Variants in ANXA3 observed in about 807,000 individuals in gnomAD.
ANXA3 encodes annexin A3, also known as 35-alpha calcimedin.
A neutral mutation model predicts 48.8 loss-of-function variants in ANXA3; 46 were observed. The ratio of observed to expected loss-of-function variants is 0.94; its 90% CI spans 0.74 to 1.21. The LOEUF (loss-of-function observed/expected upper bound fraction) is 1.21, where lower values mean the gene tolerates loss of function less well. ANXA3 is among the 50% of genes most tolerant of loss of function. ANXA3 has a pLI of 0.00. For missense variants in ANXA3, 383 were observed against 378.6 expected (o/e 1.01, Z -0.10); for synonymous variants, 128 against 134.7 (o/e 0.95, Z 0.35).
chr4:78,604,141 AGT>A, intron 11 of ANXA3, 134 bp from the exon 12 acceptor site: 1 of 760,626 alleles, frequency 1.3e-6, no homozygotes. Context: ...ATGAATGATG[AGT>A]TTGATAATAA....
chr4:78,577,697 G>T (rs1346827252), intron 3 of ANXA3, among the ~76,000 whole-genome samples: 3 of 151,684 alleles, frequency 2.0e-5, no homozygotes, highest in Non-Finnish European at 4.4e-5. Flanking sequence ...TGTAGATGAG[G>T]TCTGTGAGGG....
chr4:78,583,021 A>G (rs1009649933), intron 5 of ANXA3, among the ~76,000 whole-genome samples: 1 of 152,090 alleles, frequency 6.6e-6, no homozygotes, highest in Non-Finnish European at 1.5e-5. Context: ...AGCAGAACCA[A>G]TAGGCAGGAC....
chr4:78,607,386 C>T (rs542058617), intron 12 of ANXA3, among the ~76,000 whole-genome samples: 25 of 150,904 alleles, frequency 1.7e-4, no homozygotes, highest in African/African-American at 2.9e-4. Context: ...TTTCTTCCTT[C>T]CACCTATTGT....
intron 11 of ANXA3, 175 bp downstream of exon 11, chr4:78,601,743 C>A: frequency 2.0e-6 from 1 of 494,638 alleles, no homozygotes; most frequent in Non-Finnish European, 3.5e-6. Flanking sequence ...ACACAGACAC[C>A]TGATTTTCTC....
At chr4:78,602,579 T>C (rs2109949760) in intron 11 of ANXA3, 1 of 152,348 alleles carries the variant, frequency 6.6e-6, no homozygotes, top group South Asian at 2.1e-4. Context: ...TAACCCTGTG[T>C]TTGCTTGTCT....
chr4:78,600,561 G>T (rs1723514200), intron 10 of ANXA3, among the ~76,000 whole-genome samples: 1 of 152,164 alleles, frequency 6.6e-6, no homozygotes, highest in South Asian at 2.1e-4. Flanking sequence ...GTAACAGTTT[G>T]ATTCTAAATG....
intron 10 of ANXA3, among the ~76,000 whole-genome samples, chr4:78,600,541 A>G (rs1297346358): frequency 6.6e-6 from 1 of 152,170 alleles, no homozygotes; most frequent in Non-Finnish European, 1.5e-5. Context: ...TTCTTGTCAG[A>G]GAACTTCATG....
Position 78,604,418 on chromosome 4 carries a change from A to G in ANXA3, c.912+19A>G, listed in dbSNP as rs1209872686. The G allele has an allele frequency of 1.2e-6, 2 of 1,602,166 alleles. No individual in the cohort carries two copies. Among genetic ancestry groups the G allele is most frequent in the Non-Finnish European group, 1.7e-6 (2 of 1,171,886 alleles). On this transcript the variant is annotated intron_variant, in intron 12 of 12. Coordinates refer to ENST00000264908, the MANE Select transcript of ANXA3 (RefSeq NM_005139.3). Reference sequence around the variant, plus strand: ...AATTAAAGTAAGTCTACTTTTAAAAATAGCAAAACATATTTTGCCCTTCTC... The same window carrying G: ...AATTAAAGTAAGTCTACTTTTAAAAGTAGCAAAACATATTTTGCCCTTCTC...
chr4:78,601,196 G>A (rs1361520788), intron 10 of ANXA3, among the ~76,000 whole-genome samples: 1 of 152,180 alleles, frequency 6.6e-6, no homozygotes. Context: ...GGAGTTATCA[G>A]GGAAAGCGTA....
intron 2 of ANXA3, among the ~76,000 whole-genome samples, chr4:78,568,814 G>A (rs563217982): frequency 2.0e-5 from 3 of 152,274 alleles, no homozygotes; most frequent in East Asian, 1.9e-4. Context: ...GCTGACCTCC[G>A]AAGGATGATT....
At chr4:78,559,410 C>T (rs1158292939) in intron 2 of ANXA3, among the ~76,000 whole-genome samples, 1 of 152,120 alleles carries the variant, frequency 6.6e-6, no homozygotes, top group Non-Finnish European at 1.5e-5. Flanking sequence ...AATTAACTCA[C>T]AATCATTGTA....
intron 10 of ANXA3, among the ~76,000 whole-genome samples, chr4:78,600,500 A>C (rs1345335470): frequency 1.3e-5 from 2 of 152,202 alleles, no homozygotes; most frequent in East Asian, 3.8e-4. Flanking sequence ...TGGCTTACTT[A>C]ATGTGAGTTT....
intron 1 of ANXA3, chr4:78,552,231 T>C (rs1396576168): frequency 1.3e-5 from 2 of 152,184 alleles, no homozygotes; most frequent in African/African-American, 4.8e-5. Flanking sequence ...TCCCCAGTCC[T>C]AAAGGTCTAG....
intron 6 of ANXA3, among the ~76,000 whole-genome samples, chr4:78,586,956 C>T (rs115920056): frequency 0.01 from 1,576 of 152,280 alleles, 33 homozygotes; most frequent in African/African-American, 0.036. Flanking sequence ...TGCTTTTAAC[C>T]AGCTGGCTAC....
chr4:78,591,798 C>T (rs1188192832), intron 7 of ANXA3, among the ~76,000 whole-genome samples, 175 bp downstream of exon 7: 2 of 152,144 alleles, frequency 1.3e-5, no homozygotes, highest in Admixed American at 1.3e-4. Flanking sequence ...TAACCAAGAT[C>T]ATAAAAGCAT....
At chr4:78,565,225 C>G (rs1722707690) in intron 2 of ANXA3, among the ~76,000 whole-genome samples, 1 of 152,092 alleles carries the variant, frequency 6.6e-6, no homozygotes, top group East Asian at 1.9e-4. Flanking sequence ...AACTCCTGAC[C>G]TCAGGTGATC....
At chr4:78,579,218 G>A in intron 4 of ANXA3, 97 bp downstream of exon 4, 1 of 794,074 alleles carries the variant, frequency 1.3e-6, no homozygotes, top group Non-Finnish European at 2.1e-6. Flanking sequence ...TTCAGGCTGA[G>A]TGTAACAGAA....
chr4:78,551,952 C>A (rs988977722), intron 1 of ANXA3, 93 bp downstream of exon 1: 1 of 152,300 alleles, frequency 6.6e-6, no homozygotes, highest in African/African-American at 2.4e-5. Context: ...TCGCCCAGTT[C>A]CCCCGCGAGT....
intron 6 of ANXA3, among the ~76,000 whole-genome samples, chr4:78,589,502 A>C (rs1471321814): frequency 6.6e-6 from 1 of 152,158 alleles, no homozygotes; most frequent in African/African-American, 2.4e-5. Context: ...ATTGCTCCCC[A>C]TGCTAATGTT....
Sources: gnomAD v4.1 joint callset for allele counts (sites outside exome capture counted in the v4.1 genomes callset) on GRCh38, gnomAD v4.1.1 for gene constraint, MANE v1.5 for transcripts, NCBI Gene and HGNC (gene_info 2026-07-23, HGNC 2026-07-21) for gene names.